The following C10orf143 variants were observed in gnomAD, a reference collection of about 807,000 sequenced individuals.
The protein encoded by C10orf143 is chromosome 10 open reading frame 143.
chr10:130,107,134 G>A (rs1198882987), intron 1 of C10orf143: 4 of 1,603,280 alleles, frequency 2.5e-6, no homozygotes, highest in Admixed American at 1.7e-5. Flanking sequence ...CATCTTTGCA[G>A]TCAGAAAACA....
intron 3 of C10orf143, among the ~76,000 whole-genome samples, chr10:130,075,324 G>C (rs910090272): frequency 1.3e-5 from 2 of 152,166 alleles, no homozygotes; most frequent in Non-Finnish European, 2.9e-5. Flanking sequence ...TTCATGTCCA[G>C]GCTCTCGGGA....
intron 3 of C10orf143, among the ~76,000 whole-genome samples, chr10:130,036,889 G>A (rs1021476427): frequency 5.3e-5 from 8 of 152,016 alleles, no homozygotes; most frequent in African/African-American, 1.7e-4. Context: ...CTTTTTGCTC[G>A]CCCTTCTCAC....
intron 3 of C10orf143, among the ~76,000 whole-genome samples, chr10:130,073,041 A>G (rs894579145): frequency 1.3e-5 from 2 of 152,284 alleles, no homozygotes; most frequent in South Asian, 2.1e-4. Context: ...AGGTTCTTCA[A>G]TTATTTCAGA....
At chr10:130,037,028 T>C (rs932653898) in intron 3 of C10orf143, among the ~76,000 whole-genome samples, 9 of 152,272 alleles carry the variant, frequency 5.9e-5, no homozygotes, top group Admixed American at 5.2e-4. Flanking sequence ...CTGGCTCCTC[T>C]GAGGTGCAGA....
chr10:130,046,104 G>T (rs966220912), intron 3 of C10orf143, among the ~76,000 whole-genome samples: 2 of 151,780 alleles, frequency 1.3e-5, no homozygotes, highest in African/African-American at 2.4e-5. Flanking sequence ...GGATGGGGCG[G>T]GGCGTGGGAC....
At chr10:130,045,381 A>G (rs78371098) in intron 3 of C10orf143, among the ~76,000 whole-genome samples, 2,962 of 152,332 alleles carry the variant, frequency 0.019, 90 homozygotes, top group African/African-American at 0.067. Flanking sequence ...AAACCCGCAC[A>G]GGCGTCAAAT....
At chr10:130,073,149 C>T (rs1227664638) in intron 3 of C10orf143, among the ~76,000 whole-genome samples, 1 of 152,142 alleles carries the variant, frequency 6.6e-6, no homozygotes, top group African/African-American at 2.4e-5. Flanking sequence ...GTGATCTTAT[C>T]CTCCGTGGGG....
downstream of C10orf143, among the ~76,000 whole-genome samples, chr10:130,063,050 GGAGAT>G (rs748447595): frequency 5.9e-5 from 9 of 152,182 alleles, no homozygotes; most frequent in Non-Finnish European, 1.3e-4. Flanking sequence ...GATGGTCGGT[GGAGAT>G]GAGATGGGAA....
At chr10:130,071,343 A>G (rs1861030166) in intron 3 of C10orf143, among the ~76,000 whole-genome samples, 1 of 152,208 alleles carries the variant, frequency 6.6e-6, no homozygotes, top group Non-Finnish European at 1.5e-5. Flanking sequence ...TCACAGTTAT[A>G]GCACCATTTT....
chr10:130,077,773 G>C (rs2134765101), intron 3 of C10orf143, among the ~76,000 whole-genome samples: 1 of 152,270 alleles, frequency 6.6e-6, no homozygotes, highest in East Asian at 1.9e-4. Context: ...TATTTTAAAA[G>C]CTTAGGAGAG....
At chr10:130,097,805 C>T (rs1861486164) in intron 1 of C10orf143, among the ~76,000 whole-genome samples, 1 of 152,106 alleles carries the variant, frequency 6.6e-6, no homozygotes, top group African/African-American at 2.4e-5. Flanking sequence ...AAGCCAGCTG[C>T]AGGAGACCCT....
At chr10:130,048,957 G>A (rs1031200144) in intron 3 of C10orf143, among the ~76,000 whole-genome samples, 3 of 152,030 alleles carry the variant, frequency 2.0e-5, no homozygotes, top group Non-Finnish European at 4.4e-5. Flanking sequence ...CTCCTACCTC[G>A]GCCTCCCCAG....
At chr10:130,044,765 G>T (rs1860647029) in intron 3 of C10orf143, among the ~76,000 whole-genome samples, 1 of 152,118 alleles carries the variant, frequency 6.6e-6, no homozygotes, top group Admixed American at 6.5e-5. Flanking sequence ...TGTCAGCCTT[G>T]GGAAGTCCAG....
chr10:130,054,534 C>T (rs1319269054), intron 3 of C10orf143, among the ~76,000 whole-genome samples: 7 of 152,328 alleles, frequency 4.6e-5, no homozygotes, highest in East Asian at 3.9e-4. Context: ...TGGATACATA[C>T]GCAAAAGTGA....
chr10:130,107,428 C>G (rs1390998841), intron 1 of C10orf143: 3 of 1,311,174 alleles, frequency 2.3e-6, no homozygotes, highest in Non-Finnish European at 3.3e-6. Context: ...CACATCATAA[C>G]TGGTTGGCAG....
At chr10:130,050,917 T>A (rs1860729542) in intron 3 of C10orf143, among the ~76,000 whole-genome samples, 1 of 152,140 alleles carries the variant, frequency 6.6e-6, no homozygotes, top group Non-Finnish European at 1.5e-5. Context: ...GTCTCCAACA[T>A]GGATGATGGT....
chr10:130,055,976 A>AAAAAG (rs1860790536), intron 3 of C10orf143, among the ~76,000 whole-genome samples: 1 of 150,156 alleles, frequency 6.7e-6, no homozygotes, highest in African/African-American at 2.5e-5. Flanking sequence ...AAAAAAAAAA[A>AAAAAG]AAAGAAAGAA....
At chr10:130,084,671 CACAT>C (rs995429984) in intron 1 of C10orf143, among the ~76,000 whole-genome samples, 90 of 151,682 alleles carry the variant, frequency 5.9e-4, no homozygotes, top group Middle Eastern at 3.4e-3. Flanking sequence ...CACACACACA[CACAT>C]ACATATATAT....
intron 3 of C10orf143, among the ~76,000 whole-genome samples, chr10:130,052,786 C>A (rs541557795): frequency 6.6e-6 from 1 of 152,304 alleles, no homozygotes; most frequent in Non-Finnish European, 1.5e-5. Context: ...CTCTCAGTAC[C>A]CTTGAAGATA....
Sources: allele counts gnomAD v4.1 joint callset (sites outside exome capture counted in the v4.1 genomes callset), GRCh38; gene constraint gnomAD v4.1.1; transcripts MANE v1.5; gene names NCBI Gene and HGNC (gene_info 2026-07-23, HGNC 2026-07-21).